Variants in MDGA2 observed in about 807,000 individuals in gnomAD.
The protein encoded by MDGA2 is MAM domain containing glycosylphosphatidylinositol anchor 2.
A neutral mutation model predicts 117.8 loss-of-function variants in MDGA2; 40 were observed. That is an observed-to-expected ratio of 0.34 (90% CI 0.26 to 0.44). The LOEUF (loss-of-function observed/expected upper bound fraction) is 0.44. Ranked by LOEUF, MDGA2 falls within the 20% of genes least tolerant of loss-of-function variation. MDGA2 has a pLI of 1.00. For synonymous variants in MDGA2, 452 were observed against 439.0 expected (o/e 1.03, Z -0.37); for missense variants, 1,123 against 1,250.6 (o/e 0.90, Z 1.54).
intron 1 of MDGA2, among the ~76,000 whole-genome samples, chr14:47,426,205 C>G (rs1169852344): frequency 2.6e-5 from 4 of 152,120 alleles, no homozygotes; most frequent in Non-Finnish European, 4.4e-5. Flanking sequence ...TTTCTGCCCA[C>G]TAATTCTGCC....
intron 3 of MDGA2, among the ~76,000 whole-genome samples, chr14:47,148,659 G>T (rs1883042365): frequency 6.6e-6 from 1 of 152,070 alleles, no homozygotes; most frequent in Admixed American, 6.5e-5. Context: ...CAAGTAAATG[G>T]ATGTAGGTTT....
At chr14:47,244,467 T>C (rs984425052) in intron 2 of MDGA2, among the ~76,000 whole-genome samples, 2 of 151,710 alleles carry the variant, frequency 1.3e-5, no homozygotes, top group Non-Finnish European at 3.0e-5. Context: ...ATCTAACATA[T>C]TTTTTTGGCC....
At chr14:47,180,282 G>C (rs1349298846) in intron 3 of MDGA2, among the ~76,000 whole-genome samples, 1 of 152,102 alleles carries the variant, frequency 6.6e-6, no homozygotes, top group African/African-American at 2.4e-5. Context: ...AAAGGAGATA[G>C]GCACAGGCAA....
At chr14:47,340,260 C>T (rs562892541) in intron 1 of MDGA2, among the ~76,000 whole-genome samples, 1 of 152,200 alleles carries the variant, frequency 6.6e-6, no homozygotes, top group East Asian at 1.9e-4. Flanking sequence ...GCTAGCTAAA[C>T]TCTCCAGACA....
At chr14:47,499,789 C>T (rs761326956) in intron 1 of MDGA2, among the ~76,000 whole-genome samples, 1 of 152,076 alleles carries the variant, frequency 6.6e-6, no homozygotes, top group African/African-American at 2.4e-5. Context: ...GTAGGCACTG[C>T]GATTCCATGC....
At chr14:46,893,009 T>C (rs937310624) in intron 10 of MDGA2, among the ~76,000 whole-genome samples, 1 of 151,930 alleles carries the variant, frequency 6.6e-6, no homozygotes, top group African/African-American at 2.4e-5. Context: ...TCTAGATACC[T>C]ACCCAGAAGA....
chr14:46,949,948 A>T (rs1205337963), intron 9 of MDGA2, among the ~76,000 whole-genome samples: 1 of 151,876 alleles, frequency 6.6e-6, no homozygotes, highest in Non-Finnish European at 1.5e-5. Context: ...TGAATCTTTT[A>T]TTGGAGAAAT....
chr14:47,285,685 C>T (rs1888647015), intron 2 of MDGA2, among the ~76,000 whole-genome samples: 1 of 152,022 alleles, frequency 6.6e-6, no homozygotes, highest in African/African-American at 2.4e-5. Context: ...GTCTTCTAAG[C>T]CATCAAGGGA....
chr14:46,879,067 C>T (rs1882344757), intron 11 of MDGA2, among the ~76,000 whole-genome samples: 1 of 151,798 alleles, frequency 6.6e-6, no homozygotes. Flanking sequence ...CAATTGTGTC[C>T]CCATAAAAAT....
At chr14:46,927,977 T>G (rs1043592141) in intron 9 of MDGA2, among the ~76,000 whole-genome samples, 15 of 152,160 alleles carry the variant, frequency 9.9e-5, no homozygotes, top group African/African-American at 3.1e-4. Flanking sequence ...TATTGATACA[T>G]TGTCAGTCTT....
intron 8 of MDGA2, among the ~76,000 whole-genome samples, chr14:46,975,947 A>G (rs1226315648): frequency 6.6e-6 from 1 of 152,092 alleles, no homozygotes; most frequent in Non-Finnish European, 1.5e-5. Context: ...CTCTGACCTC[A>G]TGACCTAACC....
At chr14:47,023,205 A>AAAAAAAAAAAAG (rs1888354840) in intron 8 of MDGA2, among the ~76,000 whole-genome samples, 7 of 146,436 alleles carry the variant, frequency 4.8e-5, no homozygotes, top group African/African-American at 1.0e-4. Flanking sequence ...TCGTAAAAAA[A>AAAAAAAAAAAAG]AAAAAAAAAA....
intron 1 of MDGA2, among the ~76,000 whole-genome samples, chr14:47,513,075 T>C (rs968496764): frequency 4.6e-5 from 7 of 152,094 alleles, no homozygotes; most frequent in Admixed American, 1.3e-4. Context: ...TCCATGTCAA[T>C]AGCTTATGCT....
At position 47,424,694 on chromosome 14, in the gene MDGA2, G is replaced by C. The variant is rs1566449888; in HGVS notation, c.281-123144C>G. Among the ~76,000 whole-genome samples the C allele has an allele frequency of 2.6e-5, 4 of 152,146 alleles. No homozygotes were observed. The South Asian group carries it at 8.3e-4, about 32-fold the overall frequency. ...TTAGTTAATTCAGAGTGGAGCTAGA[G>C]AGTCTTACACAGGAGCAATACATAT... On this transcript the variant is annotated intron_variant, in intron 1 of 16. Transcript: ENST00000399232.
At position 47,110,957 on chromosome 14, in the gene MDGA2, G is replaced by GA. The variant is rs1325962624; in HGVS notation, c.926-13835dup. The stretch of plus-strand genomic sequence containing the variant: ...GAGATGTACGTATGTTCTATTTTAA[G>GA]AAAAAATCCTAATTCAACATATATT... On this transcript the variant is annotated intron_variant, in intron 5 of 16. Transcript: ENST00000399232. Among the ~76,000 whole-genome samples the GA allele has an allele frequency of 3.3e-5, 5 of 152,024 alleles. No individual in the cohort carries two copies. In the East Asian group the frequency reaches 5.8e-4, roughly 18 times the overall value.
At chr14:47,553,552 A>G (rs532359433) in intron 1 of MDGA2, among the ~76,000 whole-genome samples, 1 of 152,326 alleles carries the variant, frequency 6.6e-6, no homozygotes, top group South Asian at 2.1e-4. Context: ...GGAAAACACT[A>G]AAAGGTAAAA....
At chr14:47,256,528 T>G (rs1369142132) in intron 2 of MDGA2, among the ~76,000 whole-genome samples, 1 of 152,140 alleles carries the variant, frequency 6.6e-6, no homozygotes, top group Non-Finnish European at 1.5e-5. Flanking sequence ...GCTTCTTTCT[T>G]TCCAAACACA....
At chr14:47,074,592 G>A (rs1311204533) in intron 6 of MDGA2, among the ~76,000 whole-genome samples, 6 of 152,188 alleles carry the variant, frequency 3.9e-5, no homozygotes, top group Non-Finnish European at 5.9e-5. Flanking sequence ...GAGCCACCGC[G>A]CCCAGCCCAG....
At chr14:47,089,995 T>C (rs770187409) in intron 6 of MDGA2, among the ~76,000 whole-genome samples, 5 of 152,158 alleles carry the variant, frequency 3.3e-5, no homozygotes, top group Non-Finnish European at 7.4e-5. Context: ...CTAAACATAC[T>C]GGTACACTCA....
Sources: allele counts gnomAD v4.1 joint callset (sites outside exome capture counted in the v4.1 genomes callset), GRCh38; gene constraint gnomAD v4.1.1; transcripts MANE v1.5; gene names NCBI Gene and HGNC (gene_info 2026-07-23, HGNC 2026-07-21).